Variants in PTH1R observed in about 807,000 individuals in gnomAD.
The protein encoded by PTH1R is parathyroid hormone 1 receptor.
PTH1R carries 32 observed loss-of-function variants against 70.7 expected under a neutral mutation model. The ratio of observed to expected loss-of-function variants is 0.45; its 90% CI spans 0.34 to 0.61. PTH1R has a LOEUF of 0.61. PTH1R is among the 20% of genes least tolerant of loss of function. The pLI is 0.01. For missense variants in PTH1R, 626 were observed against 792.5 expected, an observed-to-expected ratio of 0.79 and a Z score of 2.52; for synonymous variants, 329 against 324.8, an observed-to-expected ratio of 1.01 and a Z score of -0.14.
rs2107000496 is a variant in PTH1R at position 46,892,226 on chromosome 3, T to A, written c.76-1681T>A. On this transcript the variant is annotated intron_variant, in intron 3 of 15. Transcript: ENST00000449590. This position sits in a 1 kb window ranked among gnomAD's most constrained non-coding sequence, Gnocchi z 5.2. ...CATAGTACCAGCGGAGATCTCAGGG[T>A]CCACCTCAGCCCCCAGAGACACCAG... Among the ~76,000 whole-genome samples the A allele has an allele frequency of 6.6e-6, 1 of 151,960 alleles. No individual in the cohort carries two copies. The highest frequency in any genetic ancestry group is 2.1e-4 in the South Asian group (1 of 4,790).
intron 3 of PTH1R, among the ~76,000 whole-genome samples, chr3:46,890,497 T>C (rs996561699): frequency 0.016 from 493 of 31,326 alleles, no homozygotes; most frequent in Non-Finnish European, 0.036. Flanking sequence ...TCACAGCAGC[T>C]TTTTTTTTTT....
intron 3 of PTH1R, among the ~76,000 whole-genome samples, chr3:46,885,097 G>A (rs554282379): frequency 3.3e-5 from 5 of 152,316 alleles, no homozygotes; most frequent in Admixed American, 6.5e-5. Flanking sequence ...TTTGGTGTGT[G>A]ACGGCCTGAG....
intron 4 of PTH1R, among the ~76,000 whole-genome samples, chr3:46,894,435 C>G (rs2031618124): frequency 6.6e-6 from 1 of 152,138 alleles, no homozygotes; most frequent in African/African-American, 2.4e-5. Context: ...AGATTTTGCT[C>G]ACACTCACAG....
At chr3:46,889,023 G>A (rs948008202) in intron 3 of PTH1R, among the ~76,000 whole-genome samples, 3 of 152,218 alleles carry the variant, frequency 2.0e-5, no homozygotes, top group Non-Finnish European at 2.9e-5. Context: ...CAGGCCAGCC[G>A]GACAGAGAGA....
At position 46,882,785 on chromosome 3, in the gene PTH1R, G is replaced by C. The variant is rs1278902124; in HGVS notation, c.-48-727G>C. Among the ~76,000 whole-genome samples, 2 of 152,050 alleles carry C rather than the reference G, an allele frequency of 1.3e-5. No homozygotes were observed. Among genetic ancestry groups the C allele is most frequent in the African/African-American group, 2.4e-5 (1 of 41,426 alleles). On this transcript the variant is annotated intron_variant, in intron 2 of 15. Coordinates refer to ENST00000449590, the MANE Select transcript of PTH1R (RefSeq NM_000316.3). The surrounding 1 kb of genome is among the most constrained non-coding windows in gnomAD (Gnocchi z 4.3). Reference sequence around the variant, plus strand: ...CAGACAGGCAGACCGACAGAGCGTCGGGGCCGCTGCGCGCCCGAGCCGCAC... The same window carrying C: ...CAGACAGGCAGACCGACAGAGCGTCCGGGCCGCTGCGCGCCCGAGCCGCAC...
In PTH1R at chr3:46,902,949, C is replaced by A; in HGVS notation, c.1395+159C>A. ...AGCAGAGAAGTCTTTCCAGATGATG[C>A]AGGTTCAGGATGTGCTAGGATGTGG... On this transcript the variant is annotated intron_variant, in intron 15 of 15. Coordinates refer to ENST00000449590, the MANE Select transcript of PTH1R (RefSeq NM_000316.3). The surrounding 1 kb of genome is among the most constrained non-coding windows in gnomAD (Gnocchi z 5.4). The A allele has an allele frequency of 8.6e-7, 1 of 1,160,772 alleles. No homozygotes were observed. Among genetic ancestry groups the A allele is most frequent in the Non-Finnish European group, 1.3e-6 (1 of 791,472 alleles). The allele number at this position is 1,160,772 out of a possible 1,614,324, so 71.9% of individuals were successfully genotyped here.
chr3:46,901,213 C>A lies in PTH1R; in HGVS notation c.1049+128C>A. ...CCAGCCTCAGGAGTTCTCAGTCCAG[C>A]CTCAAGCCAGGAGCACCCTCAGGGT... On this transcript the variant is annotated intron_variant, in intron 11 of 15. Coordinates refer to ENST00000449590, the MANE Select transcript of PTH1R (RefSeq NM_000316.3). This position sits in a 1 kb window ranked among gnomAD's most constrained non-coding sequence, Gnocchi z 7.3. The A allele has an allele frequency of 7.4e-7, 1 of 1,346,328 alleles. No homozygotes were observed. Among genetic ancestry groups the A allele is most frequent in the Non-Finnish European group, 1.0e-6 (1 of 965,624 alleles). 83.4% of individuals were successfully genotyped at this position (1,346,328 alleles called of 1,614,324 possible).
Position 46,903,590 on chromosome 3 carries a change from C to T in PTH1R, c.1716C>T (p.Asp572=), listed in dbSNP as rs200062157. Residue 572 remains aspartate, a synonymous_variant, in exon 16 of 16, where the codon GAC becomes GAT. Transcript: ENST00000449590. The surrounding 1 kb of genome is among the most constrained non-coding windows in gnomAD (Gnocchi z 4.4). ...GFLNGSCSGL[D]EEASGPERPP... ...TCAACGGCTCCTGCTCAGGCCTGGA[C>T]GAGGAGGCCTCTGGGCCTGAGCGGC... 76 of 1,613,578 alleles carry T rather than the reference C, an allele frequency of 4.7e-5. No homozygotes were observed. The highest frequency in any genetic ancestry group is 3.3e-4 in the South Asian group (30 of 91,072).
chr3:46,885,446 T>A (rs185329008), intron 3 of PTH1R, among the ~76,000 whole-genome samples: 24 of 152,330 alleles, frequency 1.6e-4, no homozygotes, highest in Admixed American at 5.2e-4. Context: ...GGAAGGTTAT[T>A]GTCCCCATTT....
intron 4 of PTH1R, among the ~76,000 whole-genome samples, chr3:46,894,571 C>T (rs2031625793): frequency 6.6e-6 from 1 of 152,118 alleles, no homozygotes; most frequent in African/African-American, 2.4e-5. Flanking sequence ...AGCCCCTCTT[C>T]TTAATTGTGA....
At chr3:46,894,655 G>A (rs1017546798) in intron 4 of PTH1R, among the ~76,000 whole-genome samples, 2 of 151,966 alleles carry the variant, frequency 1.3e-5, no homozygotes, top group Non-Finnish European at 2.9e-5. Flanking sequence ...ACCCCACCCT[G>A]CTACCCACAT....
At position 46,902,642 on chromosome 3, in the gene PTH1R, A is replaced by C. The variant is rs771913485; in HGVS notation, c.1328A>C (p.Tyr443Ser). The change falls in exon 14 of 16, where the codon TAT (tyrosine) becomes TCT (serine). Residue 443 changes from tyrosine (Y) to serine (S), a missense_variant. Physicochemically the swap from Tyr to Ser is moderately radical, Grantham distance 144. Transcript: ENST00000449590. The surrounding 1 kb of genome is among the most constrained non-coding windows in gnomAD (Gnocchi z 5.4). ...SGTLWQVQMHYEMLFNSFQGF... is the reference protein window; with the variant it reads ...SGTLWQVQMHSEMLFNSFQGF... ...ACGCTCTGGCAAGTCCAGATGCACT[A>C]TGAGATGCTCTTCAACTCCTTCCAG... 6.2e-7 allele frequency: 1 copy of C among 1,613,748 alleles called. No individual in the cohort carries two copies. Among genetic ancestry groups the C allele is most frequent in the South Asian group, 1.1e-5 (1 of 91,064 alleles).
At chr3:46,889,717 T>C (rs2031278273) in intron 3 of PTH1R, among the ~76,000 whole-genome samples, 1 of 151,914 alleles carries the variant, frequency 6.6e-6, no homozygotes, top group Admixed American at 6.6e-5. Flanking sequence ...GGAGGAGTGT[T>C]GGGGGGATAT....
In PTH1R at chr3:46,894,093, G is replaced by A. The variant is rs934034594; in HGVS notation, c.178+84G>A. 3.3e-5 allele frequency: 46 copies of A among 1,401,202 alleles called. 1 individual carries two copies. The highest frequency in any genetic ancestry group is 3.9e-5 in the Non-Finnish European group (39 of 999,492). 86.8% of individuals were successfully genotyped at this position (1,401,202 alleles called of 1,614,324 possible). ...GGGCGGGACCCAGGATACAGAGCCA[G>A]GTGAAGGCTCTCTGTGGGGGCGGAC... On this transcript the variant is annotated intron_variant, in intron 4 of 15. Coordinates refer to ENST00000449590, the MANE Select transcript of PTH1R (RefSeq NM_000316.3).
At chr3:46,885,674 T>C (rs1383564411) in intron 3 of PTH1R, among the ~76,000 whole-genome samples, 2 of 152,198 alleles carry the variant, frequency 1.3e-5, no homozygotes, top group Non-Finnish European at 2.9e-5. Context: ...TGTTGGGGCA[T>C]GTGAGTTCAC....
In PTH1R at chr3:46,901,283, C is replaced by A; in HGVS notation, c.1050-131C>A. 2 of 1,309,976 alleles carry A rather than the reference C, an allele frequency of 1.5e-6. No homozygotes were observed. Among genetic ancestry groups the A allele is most frequent in the African/African-American group, 1.5e-5 (1 of 68,342 alleles). 81.1% of individuals were successfully genotyped at this position (1,309,976 alleles called of 1,614,324 possible). A position where few individuals can be genotyped will look rare whatever the true frequency, so the allele number is the denominator to read the frequency against. On this transcript the variant is annotated intron_variant, in intron 11 of 15. Coordinates refer to ENST00000449590, the MANE Select transcript of PTH1R (RefSeq NM_000316.3). This position sits in a 1 kb window ranked among gnomAD's most constrained non-coding sequence, Gnocchi z 7.3. ...AGAGGCCTGTGAGGGAGGCCTCAGG[C>A]CTGGCCACACCCAGCACCCCTGCCC... is the stretch of plus-strand genomic sequence containing the variant.
At chr3:46,889,581 G>A (rs2031269918) in intron 3 of PTH1R, among the ~76,000 whole-genome samples, 3 of 152,176 alleles carry the variant, frequency 2.0e-5, no homozygotes, top group Admixed American at 6.5e-5. Flanking sequence ...GGTAGAAGGT[G>A]CAGGAGGCAT....
intron 3 of PTH1R, among the ~76,000 whole-genome samples, chr3:46,888,677 C>T (rs1259208759): frequency 2.0e-5 from 3 of 152,194 alleles, no homozygotes; most frequent in African/African-American, 4.8e-5. Context: ...CAGTCTTATG[C>T]CCGAGGTGAG....
intron 10 of PTH1R, 62 bp downstream of exon 10, chr3:46,899,518 G>A (rs1006394684): frequency 9.5e-6 from 15 of 1,573,944 alleles, no homozygotes; most frequent in African/African-American, 1.3e-5. Flanking sequence ...GACAGGGAGA[G>A]GGCAGCCCCT....
Sources: gnomAD v4.1 joint callset for allele counts (sites outside exome capture counted in the v4.1 genomes callset) on GRCh38, gnomAD v4.1.1 for gene constraint, Gnocchi (gnomAD v3.1) non-coding constraint, MANE v1.5 for transcripts, NCBI Gene and HGNC (gene_info 2026-07-23, HGNC 2026-07-21) for gene names.